Variants in DNAH6 observed in about 807,000 individuals in gnomAD.
DNAH6 encodes axonemal beta dynein heavy chain 6.
A neutral mutation model predicts 491.4 loss-of-function variants in DNAH6; 340 were observed. The ratio of observed to expected loss-of-function variants is 0.69; its 90% confidence interval spans 0.63 to 0.76. The LOEUF (loss-of-function observed/expected upper bound fraction) is 0.76. Among genes scored for constraint, DNAH6 ranks in the 30% least tolerant of loss-of-function variants. DNAH6 has a pLI of 0.00. For synonymous variants in DNAH6, 1,603 were observed against 1,686.1 expected (o/e 0.95, Z 1.21); for missense variants, 4,443 against 4,972.2 (o/e 0.89, Z 3.20).
intron 64 of DNAH6, among the ~76,000 whole-genome samples, chr2:84,775,058 G>T (rs1228553261): frequency 6.6e-6 from 1 of 152,140 alleles, no homozygotes; most frequent in Admixed American, 6.5e-5. Context: ...AAGGAGTGAT[G>T]AGAGTAGGAA....
intron 56 of DNAH6, among the ~76,000 whole-genome samples, chr2:84,712,747 A>G (rs532119849): frequency 6.6e-6 from 1 of 152,386 alleles, no homozygotes; most frequent in South Asian, 2.1e-4. Flanking sequence ...TTAAACAACC[A>G]TGAAAATGAA....
chr2:84,757,958 G>C (rs1054566751), intron 63 of DNAH6, among the ~76,000 whole-genome samples: 3 of 152,126 alleles, frequency 2.0e-5, no homozygotes, highest in Non-Finnish European at 4.4e-5. Flanking sequence ...CCATGTTCTT[G>C]GGTATATGTA....
At chr2:84,749,257 G>A (rs1181204203) in intron 63 of DNAH6, among the ~76,000 whole-genome samples, 1 of 152,166 alleles carries the variant, frequency 6.6e-6, no homozygotes, top group Non-Finnish European at 1.5e-5. Flanking sequence ...TAAAAGAATA[G>A]AGAATGCAAG....
chr2:84,744,468 G>A lies in DNAH6; in HGVS notation c.10343-612G>A, dbSNP rs1316958510. ...AAATATTCTATAGCCAGGGAGCAGG[G>A]GATGATGTATCGTTTATTAGGGCAT... On this transcript the variant is annotated intron_variant, in intron 62 of 76. Transcript: ENST00000389394. 2.6e-5 allele frequency among the ~76,000 whole-genome samples: 4 copies of A among 152,184 alleles called. No individual in the cohort carries two copies. The South Asian group carries it at 8.3e-4, about 32-fold the overall frequency.
At chr2:84,725,379 G>C (rs1037698215) in intron 60 of DNAH6, among the ~76,000 whole-genome samples, 7 of 152,184 alleles carry the variant, frequency 4.6e-5, no homozygotes, top group Non-Finnish European at 1.0e-4. Flanking sequence ...CTTTCAACAA[G>C]ATGTTCATTT....
intron 37 of DNAH6, among the ~76,000 whole-genome samples, chr2:84,662,362 G>A (rs1454320179): frequency 6.6e-6 from 1 of 152,190 alleles, no homozygotes; most frequent in African/African-American, 2.4e-5. Flanking sequence ...GCCAAGGGAA[G>A]CCGTGACAGG....
chr2:84,772,710 T>G (rs1041925217), intron 64 of DNAH6, among the ~76,000 whole-genome samples: 4 of 152,106 alleles, frequency 2.6e-5, no homozygotes, highest in African/African-American at 4.8e-5. Context: ...AATTTCAATG[T>G]CCCATCTTTA....
Position 84,796,359 on chromosome 2 carries a change from C to T in DNAH6, c.11293C>T (p.Arg3765Cys), listed in dbSNP as rs760012578. 5.2e-6 allele frequency: 8 copies of T among 1,523,976 alleles called. No individual in the cohort carries two copies. Among genetic ancestry groups the T allele is most frequent in the Middle Eastern group, 1.7e-4 (1 of 5,954 alleles). 94.4% of individuals were successfully genotyped at this position (1,523,976 alleles called of 1,614,324 possible). A position where few individuals can be genotyped will look rare whatever the true frequency, so the allele number is the denominator to read the frequency against. Reference protein sequence around the residue: ...VTDSWDQRCLRTILKRFFSPE... With the variant: ...VTDSWDQRCLCTILKRFFSPE... ...AGACAGCTGGGACCAAAGATGCCTT[C>T]GTACTATCTTGAAAAGATTTTTTTC... Residue 3765 changes from arginine to cysteine, a missense_variant, in exon 69 of 77, where the codon CGT (arginine) becomes TGT (cysteine). Arg to Cys is a radical substitution (Grantham distance 180). Around this residue, in one of 3 missense-constraint regions of DNAH6, gnomAD observed 1,463 missense variants for 1,656.6 expected, o/e 0.88. Coordinates refer to ENST00000389394, the MANE Select transcript of DNAH6 (RefSeq NM_001370.2).
chr2:84,806,286 T>C (rs980527690), intron 71 of DNAH6, among the ~76,000 whole-genome samples: 10 of 152,176 alleles, frequency 6.6e-5, no homozygotes, highest in African/African-American at 2.4e-4. Context: ...TTAGAAGACA[T>C]ATGGCTAAAT....
At chr2:84,640,659 C>G (rs1689303147) in intron 32 of DNAH6, 81 bp downstream of exon 32, 1 of 1,313,008 alleles carries the variant, frequency 7.6e-7, no homozygotes, top group Non-Finnish European at 1.0e-6. Context: ...GAAAGGCTCT[C>G]AGAGAGTAAC....
At chr2:84,617,230 G>A (rs1268722533) in intron 23 of DNAH6, among the ~76,000 whole-genome samples, 3 of 151,942 alleles carry the variant, frequency 2.0e-5, no homozygotes, top group Non-Finnish European at 2.9e-5. Flanking sequence ...ATTTTTGTCA[G>A]TATATTGTAG....
chr2:84,673,768 C>T (rs570014117), intron 40 of DNAH6, among the ~76,000 whole-genome samples: 2 of 152,328 alleles, frequency 1.3e-5, no homozygotes, highest in South Asian at 4.1e-4. Flanking sequence ...CACTTTTCTG[C>T]CTCCTTATAG....
At chr2:84,752,453 A>G (rs1357091282) in intron 63 of DNAH6, among the ~76,000 whole-genome samples, 1 of 152,196 alleles carries the variant, frequency 6.6e-6, no homozygotes. Context: ...CAACAATTCT[A>G]ACAACTTTAT....
At chr2:84,651,402 A>T (rs541226068) in intron 33 of DNAH6, among the ~76,000 whole-genome samples, 1 of 152,328 alleles carries the variant, frequency 6.6e-6, no homozygotes, top group Non-Finnish European at 1.5e-5. Flanking sequence ...GTTACACCCT[A>T]GCTAGAGTGG....
intron 60 of DNAH6, among the ~76,000 whole-genome samples, chr2:84,726,805 T>C (rs1698685934): frequency 6.6e-6 from 1 of 151,876 alleles, no homozygotes. Flanking sequence ...AAAAATAAAT[T>C]TTTTGATCTT....
intron 37 of DNAH6, among the ~76,000 whole-genome samples, chr2:84,665,268 G>T (rs368691115): frequency 6.6e-6 from 1 of 150,600 alleles, no homozygotes; most frequent in Non-Finnish European, 1.5e-5. Flanking sequence ...CTGAAGGAGA[G>T]AGAGACACAA....
the DNAH6 span, among the ~76,000 whole-genome samples, chr2:84,485,519 G>A: frequency 0.016 from 2,419 of 152,196 alleles, 68 homozygotes; most frequent in African/African-American, 0.052. Flanking sequence ...TCATCTTCCT[G>A]CATTAAGACC....
At chr2:84,464,349 A>C in the DNAH6 span, among the ~76,000 whole-genome samples, 7 of 151,842 alleles carry the variant, frequency 4.6e-5, no homozygotes, top group African/African-American at 7.3e-5. Flanking sequence ...TCTGACATGC[A>C]CTCTTGCTGT....
At chr2:84,719,843 G>T (rs906874645) in intron 59 of DNAH6, among the ~76,000 whole-genome samples, 2 of 151,280 alleles carry the variant, frequency 1.3e-5, no homozygotes, top group Non-Finnish European at 2.9e-5. Flanking sequence ...CTTTCATTTT[G>T]TGTCTTAACT....
Sources: allele counts gnomAD v4.1 joint callset (sites outside exome capture counted in the v4.1 genomes callset), GRCh38; gene constraint gnomAD v4.1.1; regional missense constraint gnomAD v4.1.1; transcripts MANE v1.5; gene names NCBI Gene and HGNC (gene_info 2026-07-23, HGNC 2026-07-21).